Variants in CEP128 observed in about 807,000 individuals in gnomAD.
CEP128 encodes centrosomal protein 128, also known as centrosomal protein 128kDa.
In CEP128, 132 loss-of-function variants were observed where a neutral mutation model predicts 156.7. The ratio of observed to expected loss-of-function variants is 0.84; its 90% CI spans 0.73 to 0.97. CEP128 has a LOEUF of 0.97. Among genes scored for constraint, CEP128 ranks in the 50% least tolerant of loss-of-function variants. The probability of loss-of-function intolerance (pLI) is 0.00; values close to 1 mark genes in which losing one functional copy is unlikely to be tolerated. For synonymous variants in CEP128, 469 were observed against 448.9 expected, an observed-to-expected ratio of 1.04 and a Z score of -0.57; for missense variants, 1,252 against 1,281.9, an observed-to-expected ratio of 0.98 and a Z score of 0.36.
chr14:80,706,463 TACAGTGTATC>T (rs1897243988), intron 19 of CEP128, among the ~76,000 whole-genome samples: 1 of 152,058 alleles, frequency 6.6e-6, no homozygotes, highest in African/African-American at 2.4e-5. Flanking sequence ...GTAAGTTCTA[TACAGTGTATC>T]ACCTGTGAAG....
chr14:80,492,396 C>A (rs1010242755), downstream of CEP128, among the ~76,000 whole-genome samples: 1 of 152,098 alleles, frequency 6.6e-6, no homozygotes, highest in Admixed American at 6.6e-5. Context: ...TCACTAACTC[C>A]GCTTGCAACT....
chr14:80,611,447 T>C (rs1386209696), intron 19 of CEP128, among the ~76,000 whole-genome samples: 1 of 152,122 alleles, frequency 6.6e-6, no homozygotes. Context: ...GATACCTCAA[T>C]GAACTACATA....
At chr14:80,736,360 T>G (rs1349554099) in intron 19 of CEP128, among the ~76,000 whole-genome samples, 1 of 152,172 alleles carries the variant, frequency 6.6e-6, no homozygotes, top group Non-Finnish European at 1.5e-5. Context: ...GAGCTTTGCC[T>G]TACTCATCTC....
At chr14:80,817,665 G>A (rs1267169478) in intron 13 of CEP128, among the ~76,000 whole-genome samples, 2 of 152,108 alleles carry the variant, frequency 1.3e-5, no homozygotes, top group Admixed American at 6.5e-5. Context: ...GACGGATCAC[G>A]AGGTCAGGAG....
chr14:80,723,488 C>A (rs1357886400), intron 19 of CEP128, among the ~76,000 whole-genome samples: 1 of 152,096 alleles, frequency 6.6e-6, no homozygotes, highest in Non-Finnish European at 1.5e-5. Flanking sequence ...CAGTGTAGTA[C>A]CCTTTTCAAA....
Position 80,900,355 on chromosome 14 carries a change from G to A in CEP128, c.481-326C>T, listed in dbSNP as rs536239043. ...AGAGCGAGAAAGAAGGAGAAAACCG[G>A]TCTGCCAATTTTTCTGTAAAGGGCC... On this transcript the variant is annotated intron_variant, in intron 6 of 24. Transcript: ENST00000555265. 1.5e-3 allele frequency among the ~76,000 whole-genome samples: 231 copies of A among 152,298 alleles called. 1 individual carries two copies. Among genetic ancestry groups the A allele is most frequent in the Non-Finnish European group, 2.9e-3 (198 of 68,034 alleles).
chr14:80,609,340 G>A (rs1892906589), intron 19 of CEP128, among the ~76,000 whole-genome samples: 1 of 151,978 alleles, frequency 6.6e-6, no homozygotes, highest in Admixed American at 6.6e-5. Context: ...CCTTGTCTGT[G>A]ACTGACTTTG....
chr14:80,679,803 T>G (rs1427094855), intron 19 of CEP128, among the ~76,000 whole-genome samples: 1 of 152,174 alleles, frequency 6.6e-6, no homozygotes, highest in Non-Finnish European at 1.5e-5. Flanking sequence ...TTTGAAGTCC[T>G]TAATAAAAAC....
At chr14:80,640,321 T>C (rs147285752) in intron 19 of CEP128, among the ~76,000 whole-genome samples, 1 of 152,206 alleles carries the variant, frequency 6.6e-6, no homozygotes, top group East Asian at 1.9e-4. Context: ...AAAAAGTTCA[T>C]GATCTATTAA....
At chr14:80,566,104 G>A (rs1001617902) in intron 20 of CEP128, among the ~76,000 whole-genome samples, 3 of 152,048 alleles carry the variant, frequency 2.0e-5, no homozygotes, top group Admixed American at 6.6e-5. Flanking sequence ...CCACATTGAG[G>A]ACTCCCTACC....
chr14:80,751,601 C>G, intron 18 of CEP128, among the ~76,000 whole-genome samples: 1 of 151,634 alleles, frequency 6.6e-6, no homozygotes, highest in South Asian at 2.1e-4. Context: ...GCTAAATAAA[C>G]CAAAACAGAG....
chr14:80,621,573 A>G (rs1002520488), intron 19 of CEP128, among the ~76,000 whole-genome samples: 1 of 152,202 alleles, frequency 6.6e-6, no homozygotes, highest in Non-Finnish European at 1.5e-5. Flanking sequence ...TTGAAGGGCT[A>G]CAGTAATATA....
Position 80,785,129 on chromosome 14 carries a change from T to C in CEP128, c.1977A>G (p.Lys659=), listed in dbSNP as rs996525298. 3.1e-6 allele frequency: 5 copies of C among 1,614,040 alleles called. No homozygotes were observed. Among genetic ancestry groups the C allele is most frequent in the African/African-American group, 2.7e-5 (2 of 74,934 alleles). ...GGTCAGAAAGGTCCTTAAGCACTGCTTTCTTGGCTCTCTCTTCCTCAGCCA... is the reference window on the plus strand; with the variant it reads ...GGTCAGAAAGGTCCTTAAGCACTGCCTTCTTGGCTCTCTCTTCCTCAGCCA... ...NKLAEEERAK[K]AVLKDLSDLT... Residue 659 remains lysine, a synonymous_variant, in exon 15 of 25, where the codon AAA becomes AAG. Transcript: ENST00000555265.
chr14:80,477,369 G>C (rs1218275149), exon 15 of CEP128: 1 of 152,112 alleles, frequency 6.6e-6, no homozygotes, highest in Admixed American at 6.5e-5. Flanking sequence ...TGGACATTTA[G>C]CTATCCACTA....
At chr14:80,949,958 T>C (rs1201989945) in intron 2 of CEP128, among the ~76,000 whole-genome samples, 1 of 152,110 alleles carries the variant, frequency 6.6e-6, no homozygotes, top group Non-Finnish European at 1.5e-5. Context: ...CAAAAAGATA[T>C]CTTGAAATTC....
chr14:80,832,219 A>C (rs8003784), intron 12 of CEP128, among the ~76,000 whole-genome samples: 47,756 of 152,072 alleles, frequency 0.31, 8,630 homozygotes, highest in Non-Finnish European at 0.4. Context: ...TTTCCTTTAT[A>C]AATTACCCAG....
At chr14:80,821,600 T>TACATACACAC (rs1430951231) in intron 13 of CEP128, among the ~76,000 whole-genome samples, 16 of 145,370 alleles carry the variant, frequency 1.1e-4, no homozygotes, top group African/African-American at 4.1e-4. Context: ...CATACACACA[T>TACATACACAC]ACACACACAC....
Position 80,784,946 on chromosome 14 carries a change from C to T in CEP128, c.2160G>A (p.Lys720=). 6.2e-7 allele frequency: 1 copy of T among 1,613,854 alleles called. No individual in the cohort carries two copies. Among genetic ancestry groups the T allele is most frequent in the Non-Finnish European group, 8.5e-7 (1 of 1,179,906 alleles). ...KHEQNIQELM[K]HFKKEKSEAE... ...CCTCACTCTTTTCTTTCTTAAAGTG[C>T]TTCATAAGCTCCTGGATATTCTGTT... The change falls in exon 15 of 25, where the codon AAG becomes AAA. Residue 720 remains lysine, a synonymous_variant. Transcript: ENST00000555265.
chr14:80,929,650 G>A (rs748358425), intron 2 of CEP128, among the ~76,000 whole-genome samples: 1 of 152,164 alleles, frequency 6.6e-6, no homozygotes, highest in African/African-American at 2.4e-5. Context: ...TCACTTACAA[G>A]TGGGAGCTAA....
Sources: allele counts gnomAD v4.1 joint callset (sites outside exome capture counted in the v4.1 genomes callset), GRCh38; gene constraint gnomAD v4.1.1; transcripts MANE v1.5; gene names NCBI Gene and HGNC (gene_info 2026-07-23, HGNC 2026-07-21).